CPNE4: variants seen among roughly 807,000 people sequenced by gnomAD.
CPNE4 encodes the protein copine-4.
In CPNE4, 25 loss-of-function variants were observed where a neutral mutation model predicts 67.9. The observed-to-expected ratio is 0.37, with a 90% CI of 0.27 to 0.51. The LOEUF (loss-of-function observed/expected upper bound fraction) is 0.51, where lower values mean the gene tolerates loss of function less well. Ranked by LOEUF, CPNE4 falls within the 20% of genes least tolerant of loss-of-function variation. The pLI is 0.93. For missense variants in CPNE4, 464 were observed against 690.8 expected, an observed-to-expected ratio of 0.67 and a Z score of 3.68; for synonymous variants, 242 against 244.9, an observed-to-expected ratio of 0.99 and a Z score of 0.11.
chr3:131,929,296 T>C (rs1323579688), intron 1 of CPNE4, among the ~76,000 whole-genome samples: 1 of 151,010 alleles, frequency 6.6e-6, no homozygotes, highest in Non-Finnish European at 1.5e-5. Flanking sequence ...TCATGCCAGA[T>C]AAGTAGAACA....
intron 2 of CPNE4, among the ~76,000 whole-genome samples, chr3:131,747,493 A>T (rs1258851032): frequency 1.3e-5 from 2 of 151,730 alleles, no homozygotes; most frequent in African/African-American, 4.8e-5. Context: ...TTTTTTAGCA[A>T]CTGTAAGTGT....
chr3:131,782,497 T>TAC (rs537380158), intron 2 of CPNE4, among the ~76,000 whole-genome samples: 99 of 151,992 alleles, frequency 6.5e-4, no homozygotes, highest in African/African-American at 2.3e-3. Flanking sequence ...CACACATGCA[T>TAC]ACACACACAC....
intron 2 of CPNE4, among the ~76,000 whole-genome samples, chr3:131,887,145 T>A (rs1286242320): frequency 2.0e-5 from 3 of 152,200 alleles, no homozygotes; most frequent in Non-Finnish European, 4.4e-5. Context: ...CAGTGGGAGA[T>A]AATTAAATCA....
intron 7 of CPNE4, among the ~76,000 whole-genome samples, chr3:131,636,775 A>G (rs2079399287): frequency 6.6e-6 from 1 of 152,204 alleles, no homozygotes; most frequent in Non-Finnish European, 1.5e-5. Context: ...AAGGACCCTG[A>G]TAGAGTCCAC....
At chr3:131,811,935 A>C (rs536220648) in intron 2 of CPNE4, among the ~76,000 whole-genome samples, 2 of 152,158 alleles carry the variant, frequency 1.3e-5, no homozygotes, top group South Asian at 2.1e-4. Flanking sequence ...CAACTGGCAA[A>C]AGAAAGAACA....
rs2368969 is a variant in CPNE4, at chr3:131,758,729, C to T, written c.181-35104G>A. ...TGAATTGAATCTCCCAGAATTCCCA[C>T]GTATTGTGGGAGGGACCCAGGGGGA... On this transcript the variant is annotated intron_variant, in intron 2 of 15. Transcript: ENST00000429747. Among the ~76,000 whole-genome samples, 1,489 of 152,182 alleles carry T rather than the reference C, an allele frequency of 9.8e-3. 64 individuals carry two copies. The East Asian group carries it at 0.11, about 11-fold the overall frequency.
intron 15 of CPNE4, among the ~76,000 whole-genome samples, chr3:131,542,125 T>C (rs563824806): frequency 2.6e-5 from 4 of 152,322 alleles, no homozygotes; most frequent in East Asian, 1.9e-4. Context: ...CCAGGCCACA[T>C]AGCTTGACAA....
intron 1 of CPNE4, among the ~76,000 whole-genome samples, chr3:131,966,321 GC>G (rs2072343480): frequency 6.6e-6 from 1 of 151,988 alleles, no homozygotes; most frequent in African/African-American, 2.4e-5. Flanking sequence ...AACTAGAGAA[GC>G]AAGAGCAAAC....
intron 2 of CPNE4, among the ~76,000 whole-genome samples, chr3:131,778,465 C>T (rs2083346998): frequency 6.6e-6 from 1 of 152,096 alleles, no homozygotes; most frequent in Non-Finnish European, 1.5e-5. Context: ...GCTTCCTCAT[C>T]TGTAGAGTGG....
chr3:131,948,776 T>C (rs905171535), intron 1 of CPNE4, among the ~76,000 whole-genome samples: 1 of 152,166 alleles, frequency 6.6e-6, no homozygotes, highest in Non-Finnish European at 1.5e-5. Flanking sequence ...TCAATAAGTG[T>C]TTATTAAATT....
chr3:132,024,197 C>T (rs2074066379), intron 1 of CPNE4, among the ~76,000 whole-genome samples: 1 of 151,662 alleles, frequency 6.6e-6, no homozygotes, highest in Non-Finnish European at 1.5e-5. Context: ...GATTCTCCTG[C>T]CTCAGCCACC....
At chr3:131,745,904 G>T (rs1376278574) in intron 2 of CPNE4, among the ~76,000 whole-genome samples, 2 of 151,964 alleles carry the variant, frequency 1.3e-5, no homozygotes, top group Non-Finnish European at 2.9e-5. Flanking sequence ...GAACAACCTT[G>T]TCTATATCTA....
chr3:131,935,292 T>C (rs2071190682), intron 1 of CPNE4, among the ~76,000 whole-genome samples: 2 of 152,020 alleles, frequency 1.3e-5, no homozygotes, highest in Non-Finnish European at 2.9e-5. Flanking sequence ...ATTATCTGGA[T>C]AGAATAAAAA....
intron 2 of CPNE4, among the ~76,000 whole-genome samples, chr3:131,753,842 C>T (rs1039765887): frequency 6.6e-6 from 1 of 152,070 alleles, no homozygotes. Flanking sequence ...ATATTACAGA[C>T]TTTGGGGCAA....
intron 2 of CPNE4, among the ~76,000 whole-genome samples, chr3:131,785,942 C>A (rs1437992178): frequency 6.6e-6 from 1 of 152,026 alleles, no homozygotes; most frequent in African/African-American, 2.4e-5. Flanking sequence ...GTTAAGTACT[C>A]CCATATATGA....
intron 7 of CPNE4, among the ~76,000 whole-genome samples, chr3:131,623,131 A>G (rs776525740): frequency 2.0e-5 from 3 of 152,168 alleles, no homozygotes; most frequent in Non-Finnish European, 4.4e-5. Context: ...TGCGATGTCT[A>G]TAAAGTCCCC....
chr3:132,028,811 A>C (rs1475036975), intron 1 of CPNE4, among the ~76,000 whole-genome samples: 1 of 136,962 alleles, frequency 7.3e-6, no homozygotes, highest in East Asian at 2.0e-4. Flanking sequence ...TACATGCTAG[A>C]TTTCAAAGAT....
intron 1 of CPNE4, among the ~76,000 whole-genome samples, chr3:132,014,469 T>C (rs2073847547): frequency 6.6e-6 from 1 of 152,222 alleles, no homozygotes; most frequent in African/African-American, 2.4e-5. Context: ...AGAGGCACCA[T>C]CAAGCTTGGG....
rs1472179364 is a variant in CPNE4 at position 131,708,957 on chromosome 3, G to GATTAT, written c.361-8978_361-8977insATAAT. Among the ~76,000 whole-genome samples, 132 of 65,838 alleles carry GATTAT rather than the reference G, an allele frequency of 2.0e-3. 3 individuals are homozygous for GATTAT. Among genetic ancestry groups the GATTAT allele is most frequent in the African/African-American group, 6.0e-3 (129 of 21,572 alleles). The allele number at this position is 65,838 out of a possible 152,430, so 43.2% of individuals were successfully genotyped here. A position where few individuals can be genotyped will look rare whatever the true frequency, so the allele number is the denominator to read the frequency against. On this transcript the variant is annotated intron_variant, in intron 3 of 15. Coordinates refer to ENST00000429747, the MANE Select transcript of CPNE4 (RefSeq NM_130808.3). ...AAAAATCAGTGTCTGAGGGCATAAA[G>GATTAT]ATATATATATATATATATATATATA...
Sources: allele counts gnomAD v4.1 joint callset (sites outside exome capture counted in the v4.1 genomes callset), GRCh38; gene constraint gnomAD v4.1.1; transcripts MANE v1.5; gene names NCBI Gene and HGNC (gene_info 2026-07-23, HGNC 2026-07-21).